The following HERPUD2 variants were observed in gnomAD, a reference collection of about 807,000 sequenced individuals.
HERPUD2 encodes homocysteine-responsive endoplasmic reticulum-resident ubiquitin-like domain member 2 protein.
A neutral mutation model predicts 49.9 loss-of-function variants in HERPUD2; 13 were observed. That is an observed-to-expected ratio of 0.26 (90% confidence interval 0.17 to 0.41). The LOEUF is 0.41. HERPUD2 is among the 10% of genes least tolerant of loss of function. The pLI is 1.00. For missense variants in HERPUD2, 449 were observed against 492.2 expected (o/e 0.91, Z 0.83); for synonymous variants, 172 against 171.4 (o/e 1.00, Z -0.03).
intron 2 of HERPUD2, among the ~76,000 whole-genome samples, chr7:35,691,793 A>T (rs904919095): frequency 1.3e-5 from 2 of 152,124 alleles, no homozygotes; most frequent in Admixed American, 1.3e-4. Context: ...AACTTTTAGG[A>T]CTCCAACTCC....
intron 5 of HERPUD2, among the ~76,000 whole-genome samples, chr7:35,654,822 T>G (rs1785240808): frequency 6.6e-6 from 1 of 151,928 alleles, no homozygotes. Context: ...ATTACAGGCA[T>G]ACACCACTAC....
At chr7:35,661,729 C>A (rs1785426374) in intron 5 of HERPUD2, among the ~76,000 whole-genome samples, 1 of 152,096 alleles carries the variant, frequency 6.6e-6, no homozygotes, top group African/African-American at 2.4e-5. Context: ...GATTTTGTAT[C>A]CTGAGACTTT....
intron 3 of HERPUD2, among the ~76,000 whole-genome samples, chr7:35,672,004 C>T (rs1395486290): frequency 5.9e-5 from 9 of 151,810 alleles, no homozygotes; most frequent in African/African-American, 7.3e-5. Flanking sequence ...CTAAGTGATA[C>T]TATACTGGTG....
At chr7:35,634,062 T>C (rs1038959385) in intron 8 of HERPUD2, among the ~76,000 whole-genome samples, 2 of 152,224 alleles carry the variant, frequency 1.3e-5, no homozygotes, top group Admixed American at 1.3e-4. Context: ...ACCATGTGTA[T>C]AATTTTATTT....
rs200034926 is a variant in HERPUD2 at position 35,670,301 on chromosome 7, C to G, written c.253G>C (p.Val85Leu). ...CTGGGAGGAGTCCGAGAAGTACATA[C>G]TAGATGAACCATATGATACTCATCT... Reference protein sequence around the residue: ...KQDEYHMVHLVCTSRTPPSSP... With the variant: ...KQDEYHMVHLLCTSRTPPSSP... Residue 85 changes from valine (V) to leucine (L), a missense_variant, in exon 4 of 9, where the codon GTA becomes CTA. Val to Leu is a conservative substitution (Grantham distance 32, BLOSUM62 1). Coordinates refer to ENST00000311350, the MANE Select transcript of HERPUD2 (RefSeq NM_022373.5). The G allele has an allele frequency of 1.5e-5, 24 of 1,551,246 alleles. No individual in the cohort carries two copies. Among genetic ancestry groups the G allele is most frequent in the Non-Finnish European group, 2.1e-5 (24 of 1,141,002 alleles).
chr7:35,684,759 G>C (rs1332574783), intron 2 of HERPUD2, among the ~76,000 whole-genome samples: 1 of 152,152 alleles, frequency 6.6e-6, no homozygotes, highest in Admixed American at 6.5e-5. Context: ...GGGTGAGAAG[G>C]GGGTGAGGGA....
Position 35,664,710 on chromosome 7 carries a change from G to A in HERPUD2, c.494+2724C>T, listed in dbSNP as rs144404349. Among the ~76,000 whole-genome samples the A allele has an allele frequency of 6.9e-3, 1,043 of 152,146 alleles. 11 individuals are homozygous for A. The highest frequency in any genetic ancestry group is 0.024 in the African/African-American group (991 of 41,468). On this transcript the variant is annotated intron_variant, in intron 5 of 8. Coordinates refer to ENST00000311350, the MANE Select transcript of HERPUD2 (RefSeq NM_022373.5). The stretch of plus-strand genomic sequence containing the variant: ...CTACTGAAGCTTGTGCATGCATCAC[G>A]TAGTTCTTGTGCCATGGTTTTCAGC...
rs557128626 is a variant in HERPUD2 at position 35,650,857 on chromosome 7, G to A, written c.495-12385C>T. On this transcript the variant is annotated intron_variant, in intron 5 of 8. Coordinates refer to ENST00000311350, the MANE Select transcript of HERPUD2 (RefSeq NM_022373.5). ...GAAGTCTGGGGATCACGCCATCCTC[G>A]CCTACCAGAACCAGCAGCTGCACAA... Among the ~76,000 whole-genome samples the A allele has an allele frequency of 5.3e-5, 8 of 152,192 alleles. No individual in the cohort carries two copies. In the South Asian group the frequency reaches 1.2e-3, roughly 24 times the overall value.
intron 5 of HERPUD2, among the ~76,000 whole-genome samples, chr7:35,666,439 C>T (rs1237292269): frequency 2.0e-5 from 3 of 152,224 alleles, no homozygotes; most frequent in African/African-American, 7.2e-5. Flanking sequence ...TTGAGCACAG[C>T]AGTCAATAGC....
At chr7:35,650,066 A>C (rs1195984694) in intron 5 of HERPUD2, among the ~76,000 whole-genome samples, 1 of 152,178 alleles carries the variant, frequency 6.6e-6, no homozygotes. Context: ...TACTTTTAAA[A>C]AATCAGACAA....
chr7:35,682,355 GTGTATATATATATA>G (rs1375084977), intron 2 of HERPUD2, among the ~76,000 whole-genome samples: 2 of 30,376 alleles, frequency 6.6e-5, no homozygotes, highest in Non-Finnish European at 1.2e-4. Context: ...GTGTGTGTGT[GTGTATATATATATA>G]TATATATATA....
At position 35,663,727 on chromosome 7, in the gene HERPUD2, C is replaced by CT. The variant is rs149710693; in HGVS notation, c.494+3706dup. Among the ~76,000 whole-genome samples, 652 of 151,918 alleles carry CT rather than the reference C, an allele frequency of 4.3e-3. 4 individuals are homozygous for CT. The highest frequency in any genetic ancestry group is 0.015 in the African/African-American group (626 of 41,440). On this transcript the variant is annotated intron_variant, in intron 5 of 8. Transcript: ENST00000311350. ...CAGAGACTAGGACTGCAATCCCTGCCTTTTTTTTGTTTTCCATTTGCTTGG... is the reference window on the plus strand; with the variant it reads ...CAGAGACTAGGACTGCAATCCCTGCCTTTTTTTTTGTTTTCCATTTGCTTGG...
At chr7:35,635,639 G>C (rs1784859763) in intron 6 of HERPUD2, among the ~76,000 whole-genome samples, 181 bp from the exon 7 acceptor site, 1 of 152,126 alleles carries the variant, frequency 6.6e-6, no homozygotes, top group Admixed American at 6.5e-5. Flanking sequence ...CAAGGTTGAT[G>C]GTAGATGTCG....
rs1446649379 is a variant in HERPUD2 at position 35,633,673 on chromosome 7, T to G, written c.*17A>C. On this transcript the variant is annotated 3_prime_UTR_variant, in exon 9 of 9. Transcript: ENST00000311350. ...CCTGAAGTCAGACCCTCCTTGTAGC[T>G]GGCACAGTTTTTCAGGTCAATTGGC... The G allele has an allele frequency of 6.2e-7, 1 of 1,609,164 alleles. No individual in the cohort carries two copies. The highest frequency in any genetic ancestry group is 2.2e-5 in the East Asian group (1 of 44,824).
intron 2 of HERPUD2, among the ~76,000 whole-genome samples, chr7:35,688,752 A>G (rs993656911): frequency 6.6e-6 from 1 of 152,158 alleles, no homozygotes; most frequent in Non-Finnish European, 1.5e-5. Context: ...TATAACTGAG[A>G]TGGCTGAGTC....
At position 35,682,349 on chromosome 7, in the gene HERPUD2, GTGTGTGTGTATA is replaced by G. The variant is rs1412988649; in HGVS notation, c.148-9083_148-9072del. Among the ~76,000 whole-genome samples the G allele has an allele frequency of 5.7e-4, 24 of 41,746 alleles. 1 individual carries two copies. The highest frequency in any genetic ancestry group is 2.4e-3 in the South Asian group (3 of 1,242). 27.4% of individuals were successfully genotyped at this position (41,746 alleles called of 152,430 possible). On this transcript the variant is annotated intron_variant, in intron 2 of 8. Transcript: ENST00000311350. Reference sequence around the variant, plus strand: ...CACGTGTGTGTGTGTGTGTGTGTGTGTGTGTGTGTATATATATATATATATATATATATATAT... The same window carrying G: ...CACGTGTGTGTGTGTGTGTGTGTGTGTATATATATATATATATATATATAT...
At chr7:35,669,458 TC>T (rs1363815625) in intron 4 of HERPUD2, among the ~76,000 whole-genome samples, 1 of 152,134 alleles carries the variant, frequency 6.6e-6, no homozygotes, top group African/African-American at 2.4e-5. Flanking sequence ...GTAGAAAAGT[TC>T]CCTGACTGCT....
intron 2 of HERPUD2, among the ~76,000 whole-genome samples, chr7:35,674,404 TAGAGAGAGAGAGAGAG>T (rs3999932): frequency 0.037 from 1,387 of 37,888 alleles, 91 homozygotes; most frequent in East Asian, 0.084. Context: ...TATATATATA[TAGAGAGAGAGAGAGAG>T]AGAGAGAGAG....
intron 5 of HERPUD2, among the ~76,000 whole-genome samples, chr7:35,642,363 A>G (rs749594678): frequency 6.6e-6 from 1 of 152,202 alleles, no homozygotes; most frequent in Non-Finnish European, 1.5e-5. Flanking sequence ...TGTTGGTGGG[A>G]GTGTAAATTA....
Sources: allele counts gnomAD v4.1 joint callset (sites outside exome capture counted in the v4.1 genomes callset), GRCh38; gene constraint gnomAD v4.1.1; transcripts MANE v1.5; gene names NCBI Gene and HGNC (gene_info 2026-07-23, HGNC 2026-07-21).